The following WDR49 variants were observed in gnomAD, a reference collection of about 807,000 sequenced individuals.
WDR49 encodes the protein cilia- and flagella-associated protein 337.
In WDR49, 107 loss-of-function variants were observed where a neutral mutation model predicts 119.5. The observed-to-expected ratio is 0.90, with a 90% confidence interval of 0.77 to 1.05. WDR49 has a LOEUF of 1.05. WDR49 is among the 50% of genes least tolerant of loss of function. The pLI is 0.00. For missense variants in WDR49, 1,240 were observed against 1,220.5 expected (o/e 1.02, Z -0.24); for synonymous variants, 425 against 418.8 (o/e 1.01, Z -0.18).
intron 18 of WDR49, among the ~76,000 whole-genome samples, chr3:167,483,112 T>C (rs138852561): frequency 1.1e-3 from 163 of 152,202 alleles, no homozygotes; most frequent in African/African-American, 3.8e-3. Context: ...ACTAGAGCAA[T>C]AAGATGAAAA....
chr3:167,617,577 A>G (rs1461555160), intron 5 of WDR49, among the ~76,000 whole-genome samples: 1 of 152,008 alleles, frequency 6.6e-6, no homozygotes, highest in Non-Finnish European at 1.5e-5. Flanking sequence ...TTAAAGAAAG[A>G]CTTGTCTTTA....
In WDR49 at chr3:167,536,914, T is replaced by G. The variant is rs1308834823; in HGVS notation, c.1910A>C (p.Asp637Ala). ...EWKGGIQHHD[D>A]ILCAAFLPPQ... ...AGGTAAAAACGCAGCACACAAGATGTCATCATGGTGCTGTATACCTCCTTT... is the reference window on the plus strand; with the variant it reads ...AGGTAAAAACGCAGCACACAAGATGGCATCATGGTGCTGTATACCTCCTTT... The change falls in exon 11 of 19, where the codon GAC becomes GCC. Residue 637 changes from aspartate (D) to alanine (A), a missense_variant. Asp to Ala is a moderately radical substitution (Grantham distance 126). Transcript: ENST00000682715. The G allele has an allele frequency of 6.5e-7, 1 of 1,546,816 alleles. No homozygotes were observed. Among genetic ancestry groups the G allele is most frequent in the Non-Finnish European group, 8.7e-7 (1 of 1,147,166 alleles).
At chr3:167,603,104 C>A (rs966717464) in intron 6 of WDR49, among the ~76,000 whole-genome samples, 1 of 152,044 alleles carries the variant, frequency 6.6e-6, no homozygotes, top group African/African-American at 2.4e-5. Flanking sequence ...ATACTTTTGA[C>A]CTGCTTTATT....
At position 167,602,286 on chromosome 3, in the gene WDR49, T is replaced by C; in HGVS notation, c.1127-11A>G. 6.5e-7 allele frequency: 1 copy of C among 1,546,460 alleles called. No homozygotes were observed. The stretch of plus-strand genomic sequence containing the variant: ...TAATGCCAGCAGTTGCTAATCAGAA[T>C]TAGAAAGAAAAAAAATGTTTTTAAT... On this transcript the variant is annotated splice_polypyrimidine_tract_variant and intron_variant, in intron 6 of 18. Transcript: ENST00000682715.
At chr3:167,512,761 C>G (rs1192397308) in intron 16 of WDR49, among the ~76,000 whole-genome samples, 1 of 152,112 alleles carries the variant, frequency 6.6e-6, no homozygotes, top group East Asian at 1.9e-4. Flanking sequence ...TAGAAAGTAA[C>G]AAAGATGACC....
At chr3:167,503,790 G>A (rs113833247) in intron 17 of WDR49, among the ~76,000 whole-genome samples, 7 of 152,320 alleles carry the variant, frequency 4.6e-5, no homozygotes, top group African/African-American at 1.7e-4. Context: ...GCAGTTGCAA[G>A]ATTTAATAGA....
intron 2 of WDR49, among the ~76,000 whole-genome samples, chr3:167,641,689 T>C (rs1366829119): frequency 1.3e-5 from 2 of 151,980 alleles, no homozygotes; most frequent in Non-Finnish European, 2.9e-5. Context: ...AATAATCTTT[T>C]TTCCTCTTTT....
In WDR49 at chr3:167,531,294, A is replaced by C. The variant is rs374989670; in HGVS notation, c.2054-15T>G. The C allele has an allele frequency of 6.2e-7, 1 of 1,609,906 alleles. No homozygotes were observed. The highest frequency in any genetic ancestry group is 1.7e-5 in the Admixed American group (1 of 59,596). On this transcript the variant is annotated splice_polypyrimidine_tract_variant and intron_variant, in intron 12 of 18. Transcript: ENST00000682715. ...AGGTTTTGTATCTGTGAGGGAGACA[A>C]AGCCAAGTATATTAATGAAGAAAAA...
At chr3:167,629,314 T>C (rs1283711364) in intron 2 of WDR49, among the ~76,000 whole-genome samples, 2 of 152,062 alleles carry the variant, frequency 1.3e-5, no homozygotes, top group Non-Finnish European at 2.9e-5. Flanking sequence ...GCATGGTTTA[T>C]TGAATATACA....
At chr3:167,625,946 A>C (rs1416587694) in intron 3 of WDR49, among the ~76,000 whole-genome samples, 2 of 151,884 alleles carry the variant, frequency 1.3e-5, no homozygotes, top group African/African-American at 4.8e-5. Context: ...AAAATTAGGA[A>C]CAAAGAAAAG....
chr3:167,523,146 G>C (rs1461415183), intron 15 of WDR49, among the ~76,000 whole-genome samples: 1 of 152,070 alleles, frequency 6.6e-6, no homozygotes, highest in East Asian at 1.9e-4. Flanking sequence ...TATTTGGCTG[G>C]TGCGCAAATT....
At chr3:167,495,668 A>C (rs1372049663) in intron 18 of WDR49, among the ~76,000 whole-genome samples, 1 of 152,008 alleles carries the variant, frequency 6.6e-6, no homozygotes, top group Admixed American at 6.6e-5. Flanking sequence ...CAAAATTGAA[A>C]AAAGATGCAT....
intron 2 of WDR49, among the ~76,000 whole-genome samples, chr3:167,635,647 G>C (rs1404067012): frequency 6.6e-6 from 1 of 151,610 alleles, no homozygotes; most frequent in East Asian, 1.9e-4. Flanking sequence ...ACTTGGTCTG[G>C]GTATTTTCTC....
intron 5 of WDR49, among the ~76,000 whole-genome samples, chr3:167,616,019 C>T (rs556905919): frequency 2.0e-5 from 3 of 152,296 alleles, no homozygotes; most frequent in Non-Finnish European, 4.4e-5. Flanking sequence ...ATTTAAAAAT[C>T]TTCTTAGTCG....
intron 2 of WDR49, among the ~76,000 whole-genome samples, chr3:167,643,458 A>G (rs1717975329): frequency 6.6e-6 from 1 of 152,124 alleles, no homozygotes; most frequent in Non-Finnish European, 1.5e-5. Flanking sequence ...ACTCCTCAAG[A>G]TTAAAGGAAA....
chr3:167,634,110 T>C (rs1282334343), intron 2 of WDR49, among the ~76,000 whole-genome samples: 1 of 151,932 alleles, frequency 6.6e-6, no homozygotes, highest in Admixed American at 6.6e-5. Context: ...CCCATTCAAA[T>C]GTAGACTTTC....
At chr3:167,654,723 T>C (rs964439275), upstream of WDR49, among the ~76,000 whole-genome samples, 1 of 151,766 alleles carries the variant, frequency 6.6e-6, no homozygotes, top group African/African-American at 2.4e-5. Context: ...TGACGAGACA[T>C]TGTATCTAGT....
chr3:167,622,118 TAAAAATAAGTCAATAGAAA>T (rs1716901472), intron 3 of WDR49, among the ~76,000 whole-genome samples: 1 of 152,094 alleles, frequency 6.6e-6, no homozygotes, highest in South Asian at 2.1e-4. Context: ...TTTAACAACA[TAAAAATAAGTCAATAGAAA>T]ATGTCCCTGT....
intron 4 of WDR49, 142 bp downstream of exon 4, chr3:167,621,325 C>G: frequency 1.2e-6 from 1 of 834,310 alleles, no homozygotes; most frequent in Non-Finnish European, 1.7e-6. Context: ...GTGACCTAAT[C>G]CATCTCTTCC....
Sources: gnomAD v4.1 joint callset for allele counts (sites outside exome capture counted in the v4.1 genomes callset) on GRCh38, gnomAD v4.1.1 for gene constraint, MANE v1.5 for transcripts, NCBI Gene and HGNC (gene_info 2026-07-23, HGNC 2026-07-21) for gene names.